Variants in SPAG16 observed in about 807,000 individuals in gnomAD.
SPAG16 encodes sperm-associated antigen 16 protein.
A neutral mutation model predicts 80.4 loss-of-function variants in SPAG16; 86 were observed. The observed-to-expected ratio is 1.07, with a 90% CI of 0.90 to 1.28. The LOEUF is 1.28. Among genes scored for constraint, SPAG16 ranks in the 50% most tolerant of loss-of-function variants. The probability of loss-of-function intolerance (pLI) is 0.00; values close to 1 mark genes in which losing one functional copy is unlikely to be tolerated. For missense variants in SPAG16, 870 were observed against 765.3 expected, an observed-to-expected ratio of 1.14 and a Z score of -1.61; for synonymous variants, 294 against 265.9, an observed-to-expected ratio of 1.11 and a Z score of -1.03.
At chr2:213,343,084 G>A (rs1023549905) in intron 6 of SPAG16, among the ~76,000 whole-genome samples, 3 of 152,138 alleles carry the variant, frequency 2.0e-5, no homozygotes, top group Non-Finnish European at 1.5e-5. Flanking sequence ...CTTTGGCCAC[G>A]TAACTAACTT....
chr2:213,887,948 T>G (rs987889594), intron 11 of SPAG16, among the ~76,000 whole-genome samples: 7 of 151,872 alleles, frequency 4.6e-5, no homozygotes, highest in African/African-American at 1.7e-4. Context: ...CTGTTCTGAT[T>G]TATTTTAATT....
intron 13 of SPAG16, among the ~76,000 whole-genome samples, chr2:214,075,298 A>G (rs986765332): frequency 1.3e-5 from 2 of 152,090 alleles, no homozygotes; most frequent in Non-Finnish European, 2.9e-5. Context: ...CACATACCCA[A>G]AAGTCAAAGA....
intron 13 of SPAG16, among the ~76,000 whole-genome samples, chr2:214,098,815 CA>C (rs1251083039): frequency 6.6e-6 from 1 of 152,028 alleles, no homozygotes; most frequent in African/African-American, 2.4e-5. Flanking sequence ...ATTTTATATC[CA>C]GTTTTTGTGA....
chr2:213,479,263 G>A (rs999877109), intron 9 of SPAG16, among the ~76,000 whole-genome samples: 2 of 151,614 alleles, frequency 1.3e-5, no homozygotes, highest in African/African-American at 4.8e-5. Flanking sequence ...ATGAGGCCTC[G>A]CCAGATTGCC....
At chr2:213,660,582 A>G (rs1028447981) in intron 10 of SPAG16, among the ~76,000 whole-genome samples, 2 of 152,102 alleles carry the variant, frequency 1.3e-5, no homozygotes, top group Non-Finnish European at 1.5e-5. Flanking sequence ...GCCAAAGGGT[A>G]GAAGGCTGCC....
intron 5 of SPAG16, among the ~76,000 whole-genome samples, chr2:213,326,886 G>C (rs541871591): frequency 1.3e-5 from 2 of 151,952 alleles, no homozygotes; most frequent in Non-Finnish European, 2.9e-5. Flanking sequence ...ATATTTTTGA[G>C]CATACTATTA....
intron 13 of SPAG16, among the ~76,000 whole-genome samples, chr2:214,047,630 G>A (rs992495684): frequency 1.3e-5 from 2 of 152,062 alleles, no homozygotes; most frequent in Non-Finnish European, 2.9e-5. Context: ...ACATTGGTCT[G>A]GGCAAAGATT....
intron 10 of SPAG16, among the ~76,000 whole-genome samples, chr2:213,795,404 A>T (rs1028224121): frequency 6.6e-6 from 1 of 152,222 alleles, no homozygotes; most frequent in African/African-American, 2.4e-5. Context: ...ATGTCTTCCC[A>T]TCAGTGGCAA....
intron 10 of SPAG16, among the ~76,000 whole-genome samples, chr2:213,539,622 G>A (rs1232188266): frequency 6.6e-6 from 1 of 152,160 alleles, no homozygotes; most frequent in African/African-American, 2.4e-5. Context: ...ATGATTGAGT[G>A]ATTTCTTGCT....
intron 12 of SPAG16, among the ~76,000 whole-genome samples, chr2:214,005,582 T>C (rs905317888): frequency 6.6e-6 from 1 of 152,180 alleles, no homozygotes; most frequent in South Asian, 2.1e-4. Flanking sequence ...AATCTTATGG[T>C]AGAGCTTGCG....
chr2:214,391,176 A>G (rs1403019533), intron 15 of SPAG16, among the ~76,000 whole-genome samples: 16 of 152,164 alleles, frequency 1.1e-4, no homozygotes, highest in Admixed American at 1.0e-3. Context: ...TACTAGTTTT[A>G]TATGATACAA....
chr2:214,198,327 C>T (rs2057905896), intron 15 of SPAG16, among the ~76,000 whole-genome samples: 1 of 152,084 alleles, frequency 6.6e-6, no homozygotes. Context: ...TTAGCTTTCA[C>T]TTACAAGTGA....
intron 10 of SPAG16, among the ~76,000 whole-genome samples, chr2:213,539,179 C>T (rs112968805): frequency 6.6e-5 from 10 of 151,986 alleles, no homozygotes; most frequent in South Asian, 2.1e-4. Flanking sequence ...TTATAAATTC[C>T]GTAGATTCAT....
At position 214,060,293 on chromosome 2, in the gene SPAG16, G is replaced by A. The variant is rs538494392; in HGVS notation, c.1527+46216G>A. On this transcript the variant is annotated intron_variant, in intron 13 of 15. Coordinates refer to ENST00000331683, the MANE Select transcript of SPAG16 (RefSeq NM_024532.5). ...AGAGTTGGGAGGAAGAAGGAGCCAG[G>A]GATGAAAACCTTAGTTCCCAAACAT... Among the ~76,000 whole-genome samples, 3 of 152,212 alleles carry A rather than the reference G, an allele frequency of 2.0e-5. No homozygotes were observed. The South Asian group carries it at 6.2e-4, about 32-fold the overall frequency.
At chr2:214,078,159 T>G (rs2051178491) in intron 13 of SPAG16, among the ~76,000 whole-genome samples, 1 of 152,128 alleles carries the variant, frequency 6.6e-6, no homozygotes, top group African/African-American at 2.4e-5. Context: ...CTCTGTGTCT[T>G]AGAAGGCACA....
At position 214,217,704 on chromosome 2, in the gene SPAG16, A is replaced by G. The variant is rs990437123; in HGVS notation, c.1720+68438A>G. On this transcript the variant is annotated intron_variant, in intron 15 of 15. Transcript: ENST00000331683. ...GTTTCACAACTATTTAATATCTGCAAACTTTCATGTTCTCATCTGAAAATG... is the reference window on the plus strand; with the variant it reads ...GTTTCACAACTATTTAATATCTGCAGACTTTCATGTTCTCATCTGAAAATG... Among the ~76,000 whole-genome samples, 5 of 152,204 alleles carry G rather than the reference A, an allele frequency of 3.3e-5. 1 individual carries two copies. Among genetic ancestry groups the G allele is most frequent in the East Asian group, 1.9e-4 (1 of 5,194 alleles).
intron 15 of SPAG16, among the ~76,000 whole-genome samples, chr2:214,300,724 C>T (rs1219336413): frequency 6.6e-6 from 1 of 151,814 alleles, no homozygotes; most frequent in Non-Finnish European, 1.5e-5. Context: ...AAATAAAAAT[C>T]CTGAACAGAC....
intron 1 of SPAG16, among the ~76,000 whole-genome samples, chr2:213,288,166 C>G (rs1376998711): frequency 1.3e-5 from 2 of 152,154 alleles, no homozygotes; most frequent in African/African-American, 4.8e-5. Flanking sequence ...CATCCTACTG[C>G]CTTGGCCTCC....
intron 10 of SPAG16, among the ~76,000 whole-genome samples, chr2:213,690,021 G>T (rs1230531031): frequency 3.3e-5 from 5 of 151,550 alleles, no homozygotes; most frequent in Admixed American, 2.0e-4. Flanking sequence ...AAATATTCTG[G>T]CCTCCATAAT....
Sources: allele counts gnomAD v4.1 joint callset (sites outside exome capture counted in the v4.1 genomes callset), GRCh38; gene constraint gnomAD v4.1.1; transcripts MANE v1.5; gene names NCBI Gene and HGNC (gene_info 2026-07-23, HGNC 2026-07-21).